Variants in ADAM11 observed in about 807,000 individuals in gnomAD.
ADAM11 encodes the protein disintegrin and metalloproteinase domain-containing protein 11.
ADAM11 carries 49 observed loss-of-function variants against 119.1 expected under a neutral mutation model. The ratio of observed to expected loss-of-function variants is 0.41; its 90% CI spans 0.33 to 0.52. The LOEUF (loss-of-function observed/expected upper bound fraction) is 0.52, where lower values mean the gene tolerates loss of function less well. Among genes scored for constraint, ADAM11 ranks in the 20% least tolerant of loss-of-function variants. The pLI, the probability that ADAM11 is intolerant of heterozygous loss-of-function variation, is 0.20. For synonymous variants in ADAM11, 364 were observed against 408.0 expected (o/e 0.89, Z 1.30); for missense variants, 777 against 1,047.5 (o/e 0.74, Z 3.56).
chr17:44,777,009 C>A lies in ADAM11; in HGVS notation c.1681+47C>A, dbSNP rs1439320986. On this transcript the variant is annotated intron_variant, in intron 20 of 26. Transcript: ENST00000200557. This position sits in a 1 kb window ranked among gnomAD's most constrained non-coding sequence, Gnocchi z 5.1. Reference sequence around the variant, plus strand: ...AGTGGGGACTCCGGAGGACCCAGAGCTGAGAAGCTGGGGAGAGTGGGTTCC... The same window carrying A: ...AGTGGGGACTCCGGAGGACCCAGAGATGAGAAGCTGGGGAGAGTGGGTTCC... 6.3e-7 allele frequency: 1 copy of A among 1,589,236 alleles called. No individual in the cohort carries two copies. The highest frequency in any genetic ancestry group is 1.7e-5 in the Admixed American group (1 of 58,480).
rs765978916 is a variant in ADAM11 at position 44,777,641 on chromosome 17, C to T, written c.1901+40C>T. The T allele has an allele frequency of 1.9e-6, 3 of 1,613,788 alleles. No individual in the cohort carries two copies. Among genetic ancestry groups the T allele is most frequent in the Non-Finnish European group, 2.5e-6 (3 of 1,179,822 alleles). ...CAAGACTAGGGAGGGGAGGTTGCAG[C>T]TGTGCTGGGGGTTAGGAGACAGGGG... On this transcript the variant is annotated intron_variant, in intron 22 of 26. Coordinates refer to ENST00000200557, the MANE Select transcript of ADAM11 (RefSeq NM_002390.6). This position sits in a 1 kb window ranked among gnomAD's most constrained non-coding sequence, Gnocchi z 5.1.
Position 44,776,872 on chromosome 17 carries a change from C to T in ADAM11, c.1618-27C>T, listed in dbSNP as rs1377083917. 7 of 1,613,532 alleles carry T rather than the reference C, an allele frequency of 4.3e-6. No individual in the cohort carries two copies. The Admixed American group carries it at 1.2e-4, about 27-fold the overall frequency. On this transcript the variant is annotated intron_variant, in intron 19 of 26. Transcript: ENST00000200557. This position sits in a 1 kb window ranked among gnomAD's most constrained non-coding sequence, Gnocchi z 5.2. ...CTCTGACCACTCAGCATCTCCATCC[C>T]TTGCCTCTTAATTCTTGGACTCTCA...
At chr17:44,763,842 G>T (rs994361952) in intron 2 of ADAM11, among the ~76,000 whole-genome samples, 1 of 151,808 alleles carries the variant, frequency 6.6e-6, no homozygotes, top group African/African-American at 2.4e-5. Context: ...TCAGCCTCCC[G>T]AGTAGCTGGG....
chr17:44,777,329 G>A lies in ADAM11; in HGVS notation c.1781+64G>A. ...GGCAGGTGTGAGACTTTTCAGAGATGGGGCAGCAGGTTCTCCCAGGAGGAG... is the reference window on the plus strand; with the variant it reads ...GGCAGGTGTGAGACTTTTCAGAGATAGGGCAGCAGGTTCTCCCAGGAGGAG... On this transcript the variant is annotated intron_variant, in intron 21 of 26. Transcript: ENST00000200557. The surrounding 1 kb of genome is among the most constrained non-coding windows in gnomAD (Gnocchi z 5.1). 1 of 1,546,532 alleles carries A rather than the reference G, an allele frequency of 6.5e-7. No homozygotes were observed. The highest frequency in any genetic ancestry group is 8.8e-7 in the Non-Finnish European group (1 of 1,136,918).
At chr17:44,774,852 A>C in intron 14 of ADAM11, 103 bp downstream of exon 14, 41 of 1,383,022 alleles carry the variant, frequency 3.0e-5, no homozygotes, top group Non-Finnish European at 3.8e-5. Context: ...GGCCCAGCTC[A>C]CAGAACCACT....
intron 3 of ADAM11, 40 bp downstream of exon 3, chr17:44,769,834 G>A (rs1226697881): frequency 1.2e-6 from 2 of 1,608,944 alleles, no homozygotes; most frequent in Non-Finnish European, 1.7e-6. Flanking sequence ...GGCAGTGGTG[G>A]GGCGGGGGAG....
At chr17:44,769,873 C>T (rs760922741) in intron 3 of ADAM11, 79 bp downstream of exon 3, 5 of 1,547,680 alleles carry the variant, frequency 3.2e-6, no homozygotes, top group Non-Finnish European at 3.6e-6. Flanking sequence ...TGCTGGGGGT[C>T]TGGGGGTTGG....
chr17:44,774,671 C>A, intron 13 of ADAM11, 27 bp from the exon 14 acceptor site: 1 of 1,591,816 alleles, frequency 6.3e-7, no homozygotes, highest in South Asian at 1.1e-5. Flanking sequence ...CTTGGCCTCC[C>A]TCATATCCGC....
rs769956251 is a variant in ADAM11 at position 44,773,104 on chromosome 17, C to G, written c.825+19C>G. 1 of 1,611,334 alleles carries G rather than the reference C, an allele frequency of 6.2e-7. No individual in the cohort carries two copies. The highest frequency in any genetic ancestry group is 8.5e-7 in the Non-Finnish European group (1 of 1,177,996). On this transcript the variant is annotated intron_variant, in intron 10 of 26. Coordinates refer to ENST00000200557, the MANE Select transcript of ADAM11 (RefSeq NM_002390.6). This position sits in a 1 kb window ranked among gnomAD's most constrained non-coding sequence, Gnocchi z 4.6. ...CGATGTGGTAAGCAGCTCTCCCTCC[C>G]TCCCTTCCCTCCTCCTCATGCCCCC...
chr17:44,776,686 G>A lies in ADAM11; in HGVS notation c.1567-59G>A. 6.3e-7 allele frequency: 1 copy of A among 1,595,352 alleles called. No homozygotes were observed. The highest frequency in any genetic ancestry group is 1.1e-5 in the South Asian group (1 of 89,882). On this transcript the variant is annotated intron_variant, in intron 18 of 26. Transcript: ENST00000200557. This position sits in a 1 kb window ranked among gnomAD's most constrained non-coding sequence, Gnocchi z 5.2. The stretch of plus-strand genomic sequence containing the variant: ...TTGGTACCCCAGCATTCCTCCCTGG[G>A]GCAGCCCTCAGCTCCAGTCCTGGGA...
At chr17:44,770,183 T>C (rs1460958899) in intron 4 of ADAM11, 135 bp downstream of exon 4, 1 of 1,083,308 alleles carries the variant, frequency 9.2e-7, no homozygotes, top group Non-Finnish European at 1.3e-6. Context: ...ACCTTCCCTC[T>C]CTCCCGACCC....
intron 14 of ADAM11, 74 bp downstream of exon 14, chr17:44,774,823 T>C (rs2049576692): frequency 1.3e-6 from 2 of 1,546,066 alleles, no homozygotes; most frequent in African/African-American, 1.4e-5. Flanking sequence ...TTTGGCAGTC[T>C]GGACCAGGGG....
chr17:44,779,583 A>G (rs756343536), intron 26 of ADAM11, 156 bp from the exon 27 acceptor site: 279 of 985,098 alleles, frequency 2.8e-4, no homozygotes, highest in Non-Finnish European at 3.2e-4. Flanking sequence ...TGTCTTCCAT[A>G]TCACCACTGT....
At chr17:44,768,477 C>T (rs1327869280) in intron 2 of ADAM11, among the ~76,000 whole-genome samples, 2 of 152,166 alleles carry the variant, frequency 1.3e-5, no homozygotes, top group Non-Finnish European at 2.9e-5. Flanking sequence ...GCCCTAGAAG[C>T]AGACTCCCTA....
In ADAM11 at chr17:44,772,804, G is replaced by A. The variant is rs187592549; in HGVS notation, c.679-53G>A. The A allele has an allele frequency of 1.3e-6, 2 of 1,560,436 alleles. No homozygotes were observed. Among genetic ancestry groups the A allele is most frequent in the Non-Finnish European group, 1.8e-6 (2 of 1,135,152 alleles). On this transcript the variant is annotated intron_variant, in intron 8 of 26. Coordinates refer to ENST00000200557, the MANE Select transcript of ADAM11 (RefSeq NM_002390.6). This position sits in a 1 kb window ranked among gnomAD's most constrained non-coding sequence, Gnocchi z 4.5. ...CCGAGTCTGTTCCTGGCTTGGCCAT[G>A]AGATCAGTCAGACATGGAAGGGACT...
chr17:44,768,769 C>T (rs2049482381), intron 2 of ADAM11, among the ~76,000 whole-genome samples: 1 of 152,226 alleles, frequency 6.6e-6, no homozygotes, highest in Admixed American at 6.5e-5. Flanking sequence ...GCCGTCCCCA[C>T]CACAAAGGCC....
Position 44,773,419 on chromosome 17 carries a change from C to T in ADAM11, c.984C>T (p.His328=), listed in dbSNP as rs1598890801. 1 of 1,613,164 alleles carries T rather than the reference C, an allele frequency of 6.2e-7. No homozygotes were observed. The highest frequency in any genetic ancestry group is 1.3e-5 in the African/African-American group (1 of 75,046). Residue 328 remains histidine, a synonymous_variant, in exon 11 of 27, where the codon CAC becomes CAT. Transcript: ENST00000200557. The surrounding 1 kb of genome is among the most constrained non-coding windows in gnomAD (Gnocchi z 4.6). The part of the protein sequence containing the change: ...EGLPEPSDAT[H]LFSGRTFQST... ...TGCCTGAGCCCAGTGATGCCACCCA[C>T]CTCTTCTCGTGAGTCCCCCACCCTG...
chr17:44,779,640 C>G (rs1022551652), intron 26 of ADAM11, 99 bp from the exon 27 acceptor site: 6 of 1,505,922 alleles, frequency 4.0e-6, no homozygotes, highest in Non-Finnish European at 4.4e-6. Flanking sequence ...GACTTGCCGC[C>G]TGCCTCCAGG....
chr17:44,775,715 G>T lies in ADAM11; in HGVS notation c.1485+39G>T. 1.3e-6 allele frequency: 2 copies of T among 1,542,824 alleles called. No individual in the cohort carries two copies. The highest frequency in any genetic ancestry group is 1.7e-6 in the Non-Finnish European group (2 of 1,147,682). ...GCCGGGAGGCGGGGCCAGGACGCAG[G>T]AGGAGCGATTGGAGGCCTTCATATA... On this transcript the variant is annotated intron_variant, in intron 17 of 26. Transcript: ENST00000200557. The surrounding 1 kb of genome is among the most constrained non-coding windows in gnomAD (Gnocchi z 7.5).
Sources: allele counts gnomAD v4.1 joint callset (sites outside exome capture counted in the v4.1 genomes callset), GRCh38; gene constraint gnomAD v4.1.1; non-coding constraint Gnocchi (gnomAD v3.1); transcripts MANE v1.5; gene names NCBI Gene and HGNC (gene_info 2026-07-23, HGNC 2026-07-21).